Variants in RIDA observed in about 807,000 individuals in gnomAD.
RIDA encodes reactive intermediate imine deaminase A.
Under a neutral mutation model 17.8 loss-of-function variants are expected in RIDA, and 17 were observed. That is an observed-to-expected ratio of 0.96 (90% CI 0.65 to 1.43). The LOEUF is 1.43. RIDA is among the 40% of genes most tolerant of loss of function. RIDA has a pLI of 0.00. For synonymous variants in RIDA, 48 were observed against 55.7 expected, an observed-to-expected ratio of 0.86 and a Z score of 0.62; for missense variants, 158 against 161.7, an observed-to-expected ratio of 0.98 and a Z score of 0.12.
intron 5 of RIDA, among the ~76,000 whole-genome samples, chr8:98,103,573 C>T (rs1161094800): frequency 6.6e-6 from 1 of 152,064 alleles, no homozygotes; most frequent in Non-Finnish European, 1.5e-5. Flanking sequence ...ACAAACAAAC[C>T]TGGCTCAAAT....
intron 1 of RIDA, 60 bp downstream of exon 1, chr8:98,116,972 A>G: frequency 7.0e-7 from 1 of 1,431,292 alleles, no homozygotes. Flanking sequence ...AGTGGCCCCA[A>G]CCCCGAATCC....
At chr8:98,115,780 T>A (rs968043069) in intron 1 of RIDA, among the ~76,000 whole-genome samples, 1 of 152,228 alleles carries the variant, frequency 6.6e-6, no homozygotes, top group Non-Finnish European at 1.5e-5. Flanking sequence ...TACCTTTTTT[T>A]AATTGAGTTT....
rs370497341 is a variant in RIDA at position 98,109,017 on chromosome 8, A to G, written c.66-266T>C. 2.6e-5 allele frequency among the ~76,000 whole-genome samples: 4 copies of G among 152,160 alleles called. No homozygotes were observed. The South Asian group carries it at 6.2e-4, about 24-fold the overall frequency. ...GAGTTTGAGATCAGCCTGGGCAACCACTCAGTCTCTACAAAAAACAATAAA... is the reference window on the plus strand; with the variant it reads ...GAGTTTGAGATCAGCCTGGGCAACCGCTCAGTCTCTACAAAAAACAATAAA... On this transcript the variant is annotated intron_variant, in intron 1 of 5. Coordinates refer to ENST00000254878, the MANE Select transcript of RIDA (RefSeq NM_005836.3).
intron 1 of RIDA, among the ~76,000 whole-genome samples, chr8:98,115,490 T>G (rs1275769041): frequency 6.6e-6 from 1 of 150,916 alleles, no homozygotes; most frequent in Non-Finnish European, 1.5e-5. Context: ...TTGATTACAT[T>G]AAGGAGAAAA....
chr8:98,108,847 T>TAAAA, intron 1 of RIDA, 96 bp from the exon 2 acceptor site: 6 of 529,288 alleles, frequency 1.1e-5, no homozygotes, highest in South Asian at 5.0e-5. Flanking sequence ...GTATAAATTG[T>TAAAA]AAAAAAAAAA....
At chr8:98,103,536 C>T (rs941426008) in intron 5 of RIDA, among the ~76,000 whole-genome samples, 2 of 152,084 alleles carry the variant, frequency 1.3e-5, no homozygotes, top group Non-Finnish European at 2.9e-5. Context: ...TGTACAATAT[C>T]CAGGTGAAAT....
intron 1 of RIDA, among the ~76,000 whole-genome samples, chr8:98,114,556 G>T (rs1815775402): frequency 6.7e-6 from 1 of 149,342 alleles, no homozygotes; most frequent in South Asian, 2.1e-4. Context: ...GGCTGGTCTT[G>T]AACTCCTGAG....
chr8:98,108,812 A>C (rs748778045), intron 1 of RIDA, 61 bp from the exon 2 acceptor site: 1 of 1,051,636 alleles, frequency 9.5e-7, no homozygotes, highest in African/African-American at 1.6e-5. Flanking sequence ...TCAATGCTAG[A>C]AGACTTTTTT....
chr8:98,117,113 T>C lies in RIDA; in HGVS notation c.-17A>G. On this transcript the variant is annotated 5_prime_UTR_variant, in exon 1 of 6. Transcript: ENST00000254878. ...GGACGACATGGCTAAGCCTTCCCTCTTGCAGCCCCTTCAGGAGAAGAAGCC... is the reference window on the plus strand; with the variant it reads ...GGACGACATGGCTAAGCCTTCCCTCCTGCAGCCCCTTCAGGAGAAGAAGCC... 1.2e-6 allele frequency: 2 copies of C among 1,613,316 alleles called. No individual in the cohort carries two copies. The highest frequency in any genetic ancestry group is 4.5e-5 in the East Asian group (2 of 44,864).
At chr8:98,108,566 T>A (rs1815666642) in intron 2 of RIDA, 80 bp downstream of exon 2, 1 of 877,582 alleles carries the variant, frequency 1.1e-6, no homozygotes, top group Admixed American at 1.8e-5. Flanking sequence ...ATAAAACAAA[T>A]CAGGCAAGTG....
intron 4 of RIDA, 52 bp downstream of exon 4, chr8:98,105,886 A>G: frequency 9.2e-7 from 1 of 1,087,470 alleles, no homozygotes; most frequent in Admixed American, 1.7e-5. Flanking sequence ...TAATGTGACC[A>G]GATTTCTTTC....
At position 98,106,248 on chromosome 8, in the gene RIDA, G is replaced by A. The variant is rs757144633; in HGVS notation, c.226+24C>T. The A allele has an allele frequency of 7.5e-6, 12 of 1,603,550 alleles. No homozygotes were observed. In the South Asian group the frequency reaches 1.3e-4, roughly 18 times the overall value. ...GACCAAAGAAATATCAAAAAGAAATGTGAAATAATATCAAATTGCTCACCG... is the reference window on the plus strand; with the variant it reads ...GACCAAAGAAATATCAAAAAGAAATATGAAATAATATCAAATTGCTCACCG... On this transcript the variant is annotated intron_variant, in intron 3 of 5. Coordinates refer to ENST00000254878, the MANE Select transcript of RIDA (RefSeq NM_005836.3).
intron 4 of RIDA, among the ~76,000 whole-genome samples, chr8:98,104,872 G>A (rs1274594754): frequency 1.3e-5 from 2 of 152,046 alleles, no homozygotes; most frequent in African/African-American, 4.8e-5. Context: ...CACCATGCCT[G>A]GCTCATTTTT....
rs540522567 is a variant in RIDA at position 98,111,151 on chromosome 8, G to A, written c.66-2400C>T. Among the ~76,000 whole-genome samples, 113 of 152,070 alleles carry A rather than the reference G, an allele frequency of 7.4e-4. 1 individual carries two copies. The highest frequency in any genetic ancestry group is 1.4e-3 in the Non-Finnish European group (97 of 68,016). On this transcript the variant is annotated intron_variant, in intron 1 of 5. Coordinates refer to ENST00000254878, the MANE Select transcript of RIDA (RefSeq NM_005836.3). ...TCTGTTATGAGGATGCTAAATTTCA[G>A]AAGTAGGATAAAATCACAGGAAAAA...
intron 5 of RIDA, among the ~76,000 whole-genome samples, chr8:98,103,661 G>A (rs1815591075): frequency 6.6e-6 from 1 of 150,940 alleles, no homozygotes; most frequent in African/African-American, 2.4e-5. Flanking sequence ...TTTTGTGATG[G>A]AGTCTCGCTC....
At chr8:98,113,380 C>T (rs1815756430) in intron 1 of RIDA, among the ~76,000 whole-genome samples, 1 of 152,212 alleles carries the variant, frequency 6.6e-6, no homozygotes, top group South Asian at 2.1e-4. Context: ...CGCACAAAAA[C>T]TCTTGTTCCC....
At chr8:98,104,703 A>G (rs1425177488) in intron 4 of RIDA, among the ~76,000 whole-genome samples, 159 bp from the exon 5 acceptor site, 2 of 152,098 alleles carry the variant, frequency 1.3e-5, no homozygotes, top group Non-Finnish European at 2.9e-5. Context: ...TCTTAGATAT[A>G]AGCAACATTT....
chr8:98,106,451 C>T, intron 2 of RIDA, 125 bp from the exon 3 acceptor site: 1 of 758,844 alleles, frequency 1.3e-6, no homozygotes, highest in Non-Finnish European at 2.3e-6. Flanking sequence ...ATCCTCCCTA[C>T]TCGCTTACAA....
chr8:98,108,577 G>A (rs1778835862), intron 2 of RIDA, 69 bp downstream of exon 2: 4 of 954,004 alleles, frequency 4.2e-6, no homozygotes, highest in Admixed American at 1.7e-5. Flanking sequence ...CAGGCAAGTG[G>A]ATTCTTAATG....
Sources: allele counts gnomAD v4.1 joint callset (sites outside exome capture counted in the v4.1 genomes callset), GRCh38; gene constraint gnomAD v4.1.1; transcripts MANE v1.5; gene names NCBI Gene and HGNC (gene_info 2026-07-23, HGNC 2026-07-21).